Variants in ERMP1 observed in about 807,000 individuals in gnomAD.
ERMP1 encodes Felix-ina.
ERMP1 carries 86 observed loss-of-function variants against 92.0 expected under a neutral mutation model. The observed-to-expected ratio is 0.93, with a 90% CI of 0.79 to 1.12. The LOEUF (loss-of-function observed/expected upper bound fraction) is 1.12, where lower values mean the gene tolerates loss of function less well. Ranked by LOEUF, ERMP1 falls within the 50% of genes most tolerant of loss-of-function variation. The pLI is 0.00. For synonymous variants in ERMP1, 530 were observed against 412.8 expected (o/e 1.28, Z -3.44); for missense variants, 1,342 against 1,116.3 (o/e 1.20, Z -2.88).
chr9:5,807,985 G>T (rs1008846983), intron 8 of ERMP1, among the ~76,000 whole-genome samples: 2 of 151,228 alleles, frequency 1.3e-5, no homozygotes, highest in Non-Finnish European at 3.0e-5. Flanking sequence ...CATCATTCTT[G>T]TTTTTTTTAA....
chr9:5,804,797 G>T (rs1828807498), intron 10 of ERMP1, among the ~76,000 whole-genome samples: 1 of 152,018 alleles, frequency 6.6e-6, no homozygotes, highest in South Asian at 2.1e-4. Flanking sequence ...GTAAATCAGA[G>T]AATTTGGAAG....
chr9:5,786,984 C>CATAA lies in ERMP1; in HGVS notation c.*159_*160insTTAT. 1 of 688,278 alleles carries CATAA rather than the reference C, an allele frequency of 1.5e-6. No homozygotes were observed. Among genetic ancestry groups the CATAA allele is most frequent in the South Asian group, 2.0e-5 (1 of 50,646 alleles). 42.6% of individuals were successfully genotyped at this position (688,278 alleles called of 1,614,324 possible). On this transcript the variant is annotated 3_prime_UTR_variant, in exon 15 of 15. Transcript: ENST00000339450. ...TGCATCACTGCGCCACAGCTAAACC[C>CATAA]TTATAGTGCTTGGCCCTGAAAAGCG...
At chr9:5,812,818 A>G in intron 5 of ERMP1, 71 bp downstream of exon 5, 3 of 1,534,726 alleles carry the variant, frequency 2.0e-6, no homozygotes, top group Non-Finnish European at 2.7e-6. Context: ...TTACTCACAT[A>G]CTTTCAAGAT....
chr9:5,785,771 G>C lies in ERMP1; in HGVS notation c.*1373C>G, dbSNP rs1294546180. 6.6e-6 allele frequency: 1 copy of C among 152,274 alleles called. No homozygotes were observed. Among genetic ancestry groups the C allele is most frequent in the East Asian group, 1.9e-4 (1 of 5,206 alleles). 9.4% of individuals were successfully genotyped at this position (152,274 alleles called of 1,614,324 possible). A position where few individuals can be genotyped will look rare whatever the true frequency, so the allele number is the denominator to read the frequency against. ...TCCTCCATCACCCAAGATAAATCTA[G>C]CCACCCTTTTTTGTTAACTGTGCCT... is the stretch of plus-strand genomic sequence containing the variant. On this transcript the variant is annotated 3_prime_UTR_variant, in exon 15 of 15. Coordinates refer to ENST00000339450, the MANE Select transcript of ERMP1 (RefSeq NM_024896.3).
In ERMP1 at chr9:5,787,022, G is replaced by T; in HGVS notation, c.*122C>A. 1 of 1,017,640 alleles carries T rather than the reference G, an allele frequency of 9.8e-7. No individual in the cohort carries two copies. Among genetic ancestry groups the T allele is most frequent in the Non-Finnish European group, 1.4e-6 (1 of 708,962 alleles). The allele number at this position is 1,017,640 out of a possible 1,614,324, so 63.0% of individuals were successfully genotyped here. On this transcript the variant is annotated 3_prime_UTR_variant, in exon 15 of 15. Transcript: ENST00000339450. ...GCCCTGAAAAGCGTTAACCCAGAAA[G>T]CTCTTTGAACATATGATCATTAAAA... is the stretch of plus-strand genomic sequence containing the variant.
At chr9:5,797,742 G>C (rs965958446) in intron 13 of ERMP1, 75 bp downstream of exon 13, 1 of 884,972 alleles carries the variant, frequency 1.1e-6, no homozygotes, top group African/African-American at 1.7e-5. Flanking sequence ...ATATATCTGA[G>C]GGAAAAACAT....
At chr9:5,834,666 G>C (rs541725953), upstream of ERMP1, among the ~76,000 whole-genome samples, 7 of 151,212 alleles carry the variant, frequency 4.6e-5, no homozygotes, top group African/African-American at 1.7e-4. Context: ...CTCTGGATAA[G>C]AGCCTAGCCC....
intron 13 of ERMP1, among the ~76,000 whole-genome samples, chr9:5,792,307 G>C (rs1230944338): frequency 6.6e-6 from 1 of 152,104 alleles, no homozygotes; most frequent in African/African-American, 2.4e-5. Context: ...AAGATAAACT[G>C]GCAGCACCAT....
At chr9:5,809,117 G>A (rs533386185) in intron 8 of ERMP1, among the ~76,000 whole-genome samples, 25 of 152,216 alleles carry the variant, frequency 1.6e-4, no homozygotes, top group Non-Finnish European at 2.6e-4. Context: ...CGCCTCCCGG[G>A]TTCACGCCAT....
chr9:5,789,427 C>T (rs970936193), intron 13 of ERMP1, among the ~76,000 whole-genome samples: 2 of 152,224 alleles, frequency 1.3e-5, no homozygotes, highest in Non-Finnish European at 2.9e-5. Flanking sequence ...TGTCCTTCAA[C>T]TATCAGGATT....
chr9:5,794,486 T>G (rs1303955977), intron 13 of ERMP1, among the ~76,000 whole-genome samples: 2 of 151,374 alleles, frequency 1.3e-5, no homozygotes, highest in East Asian at 3.9e-4. Context: ...AAAAGATCAA[T>G]AAAATTGATA....
chr9:5,810,210 A>C lies in ERMP1; in HGVS notation c.1349T>G (p.Phe450Cys), dbSNP rs1829037987. The change falls in exon 8 of 15, where the codon TTC becomes TGC. Residue 450 changes from phenylalanine (F) to cysteine (C), a missense_variant. Physicochemically the swap from Phe to Cys is radical, Grantham distance 205 (BLOSUM62 -2). Transcript: ENST00000339450. Reference sequence around the variant, plus strand: ...CAAAGTGATGCCAAGTCCACACAAGAAGTCCTTCTTGTAGTTACCAGCTAA... The same window carrying C: ...CAAAGTGATGCCAAGTCCACACAAGCAGTCCTTCTTGTAGTTACCAGCTAA... The part of the protein sequence containing the change: ...KHKTGNYKKD[F>C]LCGLGITLIS... 6.2e-7 allele frequency: 1 copy of C among 1,613,844 alleles called. No homozygotes were observed. Among genetic ancestry groups the C allele is most frequent in the South Asian group, 1.1e-5 (1 of 91,078 alleles).
intron 8 of ERMP1, among the ~76,000 whole-genome samples, chr9:5,806,708 G>A (rs1352084024): frequency 6.6e-6 from 1 of 152,060 alleles, no homozygotes; most frequent in Admixed American, 6.5e-5. Context: ...CCAAAGCACT[G>A]GGATTACAGG....
chr9:5,810,063 G>A lies in ERMP1; in HGVS notation c.1496C>T (p.Thr499Ile), dbSNP rs528887474. The A allele has an allele frequency of 4.3e-6, 7 of 1,613,816 alleles. No individual in the cohort carries two copies. In the African/African-American group the frequency reaches 5.3e-5, roughly 12 times the overall value. Reference protein sequence around the residue: ...YVSVCLYGTATVAKIILIHTL... With the variant: ...YVSVCLYGTAIVAKIILIHTL... ...ATGTATAAGTATTATTTTGGCTACA[G>A]TTGCAGTTCCATACAGACAAACGGA... is the stretch of plus-strand genomic sequence containing the variant. The change falls in exon 8 of 15, where the codon ACT (threonine) becomes ATT (isoleucine). Residue 499 changes from threonine to isoleucine, a missense_variant. Thr to Ile is a moderately conservative substitution (Grantham distance 89, BLOSUM62 -1). Coordinates refer to ENST00000339450, the MANE Select transcript of ERMP1 (RefSeq NM_024896.3).
chr9:5,862,083 G>A (rs193169863), intron 5 of ERMP1, among the ~76,000 whole-genome samples: 21 of 152,064 alleles, frequency 1.4e-4, no homozygotes, highest in Admixed American at 5.9e-4. Context: ...CAGCTGGAGC[G>A]CAGTGACACA....
chr9:5,857,011 A>G (rs953086309), intron 6 of ERMP1, among the ~76,000 whole-genome samples: 1 of 152,084 alleles, frequency 6.6e-6, no homozygotes, highest in African/African-American at 2.4e-5. Context: ...TAAATGGACC[A>G]TGACTTTTTT....
chr9:5,823,975 G>T lies in ERMP1; in HGVS notation c.795C>A (p.His265Gln). Residue 265 changes from histidine to glutamine, a missense_variant, in exon 4 of 15, where the codon CAC becomes CAA. Transcript: ENST00000339450. ...LQASHGFITQ[H>Q]PWASLIRAFI... ...ATGCACGAATCAAGCTAGCCCAGGG[G>T]TGCTGAGTAATGAAACCATGACTGG... is the stretch of plus-strand genomic sequence containing the variant. 2 of 1,614,036 alleles carry T rather than the reference G, an allele frequency of 1.2e-6. No individual in the cohort carries two copies. Among genetic ancestry groups the T allele is most frequent in the South Asian group, 1.1e-5 (1 of 91,060 alleles).
At chr9:5,866,124 G>A (rs1420249285) in intron 5 of ERMP1, among the ~76,000 whole-genome samples, 1 of 152,130 alleles carries the variant, frequency 6.6e-6, no homozygotes, top group Non-Finnish European at 1.5e-5. Context: ...TTTTAAACAC[G>A]TAGGTGTGCT....
Position 5,825,096 on chromosome 9 carries a change from A to C in ERMP1, c.764T>G (p.Leu255Trp), listed in dbSNP as rs751253546. ...TTTAAAACAGTAAAATCTCACTTGC[A>C]AGACATTTTCCTCAGCACCATTAAA... Reference protein sequence around the residue: ...FLFNGAEENVLQASHGFITQH... With the variant: ...FLFNGAEENVWQASHGFITQH... Residue 255 changes from leucine to tryptophan, a missense_variant, in exon 3 of 15, where the codon TTG becomes TGG. Coordinates refer to ENST00000339450, the MANE Select transcript of ERMP1 (RefSeq NM_024896.3). 3 of 1,613,690 alleles carry C rather than the reference A, an allele frequency of 1.9e-6. No individual in the cohort carries two copies. The highest frequency in any genetic ancestry group is 2.5e-6 in the Non-Finnish European group (3 of 1,179,732).
Sources: allele counts gnomAD v4.1 joint callset (sites outside exome capture counted in the v4.1 genomes callset), GRCh38; gene constraint gnomAD v4.1.1; transcripts MANE v1.5; gene names NCBI Gene and HGNC (gene_info 2026-07-23, HGNC 2026-07-21).